Variants in KPNA7 observed in about 807,000 individuals in gnomAD.
KPNA7 encodes the protein karyopherin subunit alpha 7, also known as importin subunit alpha-8.
KPNA7 carries 54 observed loss-of-function variants against 53.7 expected under a neutral mutation model. The observed-to-expected ratio is 1.01, with a 90% CI of 0.81 to 1.26. The LOEUF is 1.26. Ranked by LOEUF, KPNA7 falls within the 50% of genes most tolerant of loss-of-function variation. The pLI is 0.00. For synonymous variants in KPNA7, 276 were observed against 259.3 expected (o/e 1.06, Z -0.62); for missense variants, 640 against 644.5 (o/e 0.99, Z 0.07).
chr7:99,170,745 C>T (rs1047483485), downstream of KPNA7, among the ~76,000 whole-genome samples: 1 of 152,168 alleles, frequency 6.6e-6, no homozygotes, highest in Non-Finnish European at 1.5e-5. Flanking sequence ...ATACTGGAGA[C>T]ACAACCTACA....
At chr7:99,176,625 G>A (rs766178809) in intron 10 of KPNA7, among the ~76,000 whole-genome samples, 24 of 151,952 alleles carry the variant, frequency 1.6e-4, no homozygotes, top group Non-Finnish European at 3.4e-4. Context: ...CTGTAATTCC[G>A]GCACTTTGGG....
At chr7:99,152,362 A>C in the KPNA7 span, among the ~76,000 whole-genome samples, 1 of 151,888 alleles carries the variant, frequency 6.6e-6, no homozygotes. Flanking sequence ...CGTCTCAAAA[A>C]AAAAAAGAAA....
intron 1 of KPNA7, among the ~76,000 whole-genome samples, chr7:99,217,557 C>T (rs1305312774): frequency 6.7e-6 from 1 of 149,404 alleles, no homozygotes; most frequent in East Asian, 2.0e-4. Flanking sequence ...GGTAAAGTGT[C>T]CAGGGACAGG....
At chr7:99,150,070 A>G in the KPNA7 span, among the ~76,000 whole-genome samples, 2 of 151,738 alleles carry the variant, frequency 1.3e-5, no homozygotes, top group Non-Finnish European at 2.9e-5. Context: ...AAGTGCTGGG[A>G]TTACAGGCAT....
intron 9 of KPNA7, among the ~76,000 whole-genome samples, chr7:99,179,527 G>C (rs1428622415): frequency 6.6e-6 from 1 of 151,804 alleles, no homozygotes; most frequent in East Asian, 1.9e-4. Flanking sequence ...CTGCATTCTA[G>C]CCTGGGTGAC....
upstream of KPNA7, among the ~76,000 whole-genome samples, chr7:99,208,614 G>A (rs896187116): frequency 2.6e-5 from 4 of 151,444 alleles, no homozygotes; most frequent in Non-Finnish European, 5.9e-5. Flanking sequence ...CACCACGTTG[G>A]CCAGGCTGGT....
chr7:99,163,381 ATATTTTTTTT>A, the KPNA7 span, among the ~76,000 whole-genome samples: 2 of 58,872 alleles, frequency 3.4e-5, no homozygotes, highest in East Asian at 4.5e-4. Flanking sequence ...ATATATATAT[ATATTTTTTTT>A]TTTTTTTTTT....
chr7:99,180,563 C>G (rs111813851), intron 9 of KPNA7, among the ~76,000 whole-genome samples: 19 of 112,236 alleles, frequency 1.7e-4, no homozygotes, highest in South Asian at 5.9e-4. Flanking sequence ...GTCTCTGTCT[C>G]TGTCCATCTG....
rs144322243 is a variant in KPNA7 at position 99,188,945 on chromosome 7, G to T, written c.637-382C>A. Among the ~76,000 whole-genome samples the T allele has an allele frequency of 1.2e-4, 18 of 152,244 alleles. No homozygotes were observed. The East Asian group carries it at 3.5e-3, about 29-fold the overall frequency. ...GATCTGCCGGCCTCAGCCTCCCAAC[G>T]TGCTGGGATTACAGGGGTGAGCCAT... On this transcript the variant is annotated intron_variant, in intron 6 of 10. Coordinates refer to ENST00000327442, the MANE Select transcript of KPNA7 (RefSeq NM_001145715.3).
chr7:99,158,515 A>C, the KPNA7 span, among the ~76,000 whole-genome samples: 1 of 151,570 alleles, frequency 6.6e-6, no homozygotes, highest in Admixed American at 6.6e-5. Flanking sequence ...TATTATTATT[A>C]TTATTTTAGA....
chr7:99,197,020 AAACAAC>A (rs139221110), intron 3 of KPNA7, among the ~76,000 whole-genome samples: 12,171 of 150,982 alleles, frequency 0.081, 526 homozygotes, highest in East Asian at 0.17. Flanking sequence ...ATATGCTTAA[AAACAAC>A]AACAACAACA....
rs1228725672 is a variant in KPNA7 at position 99,185,124 on chromosome 7, G to A, written c.939C>T (p.Gly313=). Reference sequence around the variant, plus strand: ...TGGCCATCTGCGTCTGCTCATCTGTGCCCGTGACAATGTTCCCCACGGTGC... The same window carrying A: ...TGGCCATCTGCGTCTGCTCATCTGTACCCGTGACAATGTTCCCCACGGTGC... The part of the protein sequence containing the change: ...SLRTVGNIVT[G]TDEQTQMAID... Residue 313 remains glycine (G), a synonymous_variant, in exon 8 of 11, where the codon GGC becomes GGT. Coordinates refer to ENST00000327442, the MANE Select transcript of KPNA7 (RefSeq NM_001145715.3). The A allele has an allele frequency of 5.2e-6, 8 of 1,552,046 alleles. No individual in the cohort carries two copies. Among genetic ancestry groups the A allele is most frequent in the Non-Finnish European group, 6.1e-6 (7 of 1,147,072 alleles).
intron 3 of KPNA7, among the ~76,000 whole-genome samples, chr7:99,196,481 C>T (rs1002946902): frequency 6.6e-6 from 1 of 152,182 alleles, no homozygotes; most frequent in Non-Finnish European, 1.5e-5. Flanking sequence ...AAATTCTCTC[C>T]TCCACATAGG....
intron 7 of KPNA7, among the ~76,000 whole-genome samples, chr7:99,185,743 C>T (rs563485300): frequency 6.6e-6 from 1 of 152,286 alleles, no homozygotes; most frequent in Admixed American, 6.5e-5. Context: ...TTGGACTTTT[C>T]ATATGCTTTC....
chr7:99,207,112 G>A (rs1266504812), intron 2 of KPNA7, among the ~76,000 whole-genome samples: 1 of 151,816 alleles, frequency 6.6e-6, no homozygotes. Flanking sequence ...TCAGCTCACT[G>A]CAACCTCTGC....
rs587777538 is a variant in KPNA7, at chr7:99,185,048, G to C, written c.1015C>G (p.Pro339Ala). 5.8e-6 allele frequency: 9 copies of C among 1,551,760 alleles called. No individual in the cohort carries two copies. The Admixed American group carries it at 7.8e-5, about 14-fold the overall frequency. Residue 339 changes from proline to alanine, a missense_variant, in exon 8 of 11, where the codon CCC (proline) becomes GCC (alanine). Pro to Ala is a conservative substitution (Grantham distance 27, BLOSUM62 -1). Transcript: ENST00000327442. ...CAGGCTGCCTCCTTCTGGATGGAGG[G>C]CTTGTTGTGTTGCAGGAGCTGGGGG... is the stretch of plus-strand genomic sequence containing the variant. ...VLPQLLQHNKPSIQKEAAWAL... is the reference protein window; with the variant it reads ...VLPQLLQHNKASIQKEAAWAL...
rs1322808247 is a variant in KPNA7, at chr7:99,185,887, G to T, written c.901-725C>A. On this transcript the variant is annotated intron_variant, in intron 7 of 10. Coordinates refer to ENST00000327442, the MANE Select transcript of KPNA7 (RefSeq NM_001145715.3). ...TTGTCACTGCAACCTCTGCCTCCTGGGTTCAAGCAATTCTCCTGCCTCAGC... is the reference window on the plus strand; with the variant it reads ...TTGTCACTGCAACCTCTGCCTCCTGTGTTCAAGCAATTCTCCTGCCTCAGC... Among the ~76,000 whole-genome samples the T allele has an allele frequency of 2.0e-5, 3 of 152,048 alleles. No homozygotes were observed. In the East Asian group the frequency reaches 5.8e-4, roughly 29 times the overall value.
intron 1 of KPNA7, among the ~76,000 whole-genome samples, chr7:99,218,785 G>A (rs1791275104): frequency 6.6e-6 from 1 of 152,238 alleles, no homozygotes; most frequent in South Asian, 2.1e-4. Flanking sequence ...TGGAGAGCAA[G>A]GACACAGCAG....
the KPNA7 span, among the ~76,000 whole-genome samples, chr7:99,160,032 T>TTG: frequency 2.8e-5 from 4 of 143,306 alleles, no homozygotes; most frequent in Middle Eastern, 3.5e-3. Context: ...TTTTTTTTTT[T>TTG]TTTTTTTTTT....
Sources: allele counts gnomAD v4.1 joint callset (sites outside exome capture counted in the v4.1 genomes callset), GRCh38; gene constraint gnomAD v4.1.1; transcripts MANE v1.5; gene names NCBI Gene and HGNC (gene_info 2026-07-23, HGNC 2026-07-21).